The following DSCAML1 variants were observed in gnomAD, a reference collection of about 807,000 sequenced individuals.
DSCAML1 encodes the protein cell adhesion molecule DSCAML1.
A neutral mutation model predicts 200.5 loss-of-function variants in DSCAML1; 38 were observed. The ratio of observed to expected loss-of-function variants is 0.19; its 90% CI spans 0.15 to 0.25. The LOEUF (loss-of-function observed/expected upper bound fraction) is 0.25, where lower values mean the gene tolerates loss of function less well. Among genes scored for constraint, DSCAML1 ranks in the 10% least tolerant of loss-of-function variants. The pLI is 1.00. For synonymous variants in DSCAML1, 1,215 were observed against 1,165.0 expected, an observed-to-expected ratio of 1.04 and a Z score of -0.87; for missense variants, 2,223 against 2,858.8, an observed-to-expected ratio of 0.78 and a Z score of 5.07.
At chr11:117,581,633 C>T (rs573940817) in intron 3 of DSCAML1, among the ~76,000 whole-genome samples, 1 of 152,284 alleles carries the variant, frequency 6.6e-6, no homozygotes, top group African/African-American at 2.4e-5. Context: ...AGGTAAGATC[C>T]ATGCGTTACT....
intron 3 of DSCAML1, among the ~76,000 whole-genome samples, chr11:117,567,991 C>T (rs914767407): frequency 1.3e-5 from 2 of 151,792 alleles, no homozygotes; most frequent in African/African-American, 4.8e-5. Flanking sequence ...ACTGGCAAAC[C>T]GAATCCAGCA....
chr11:117,535,563 G>A (rs530861067), intron 3 of DSCAML1, among the ~76,000 whole-genome samples: 1 of 152,204 alleles, frequency 6.6e-6, no homozygotes, highest in African/African-American at 2.4e-5. Context: ...CAGAGGAACC[G>A]AGGAAGCACG....
At chr11:117,460,123 G>A (rs1027810179) in intron 18 of DSCAML1, among the ~76,000 whole-genome samples, 5 of 152,244 alleles carry the variant, frequency 3.3e-5, no homozygotes, top group Non-Finnish European at 5.9e-5. Context: ...GGAGAAGCCC[G>A]CAGGCTTCGA....
rs113959016 is a variant in DSCAML1 at position 117,717,085 on chromosome 11, G to A, written c.511+59706C>T. ...AGGCCTTTCTAGAGACTTCTAGGGG[G>A]AAGAAAGATCTGAGGTTTTCATCAG... On this transcript the variant is annotated intron_variant, in intron 3 of 32. Coordinates refer to ENST00000651296, the MANE Select transcript of DSCAML1 (RefSeq NM_020693.4). Among the ~76,000 whole-genome samples, 21 of 152,310 alleles carry A rather than the reference G, an allele frequency of 1.4e-4. No individual in the cohort carries two copies. The South Asian group carries it at 4.1e-3, about 30-fold the overall frequency.
At chr11:117,598,615 C>T (rs2051405940) in intron 3 of DSCAML1, among the ~76,000 whole-genome samples, 1 of 152,194 alleles carries the variant, frequency 6.6e-6, no homozygotes, top group Admixed American at 6.5e-5. Context: ...TCTAACTGAT[C>T]TCTTTTATTC....
rs535341610 is a variant in DSCAML1, at chr11:117,610,337, T to A, written c.512-77815A>T. On this transcript the variant is annotated intron_variant, in intron 3 of 32. Coordinates refer to ENST00000651296, the MANE Select transcript of DSCAML1 (RefSeq NM_020693.4). ...TTCCAAAACTACCCCCACTGCCCCA[T>A]TGCAACTCCACATTACACTCACACC... is the stretch of plus-strand genomic sequence containing the variant. 3.5e-4 allele frequency among the ~76,000 whole-genome samples: 54 copies of A among 152,296 alleles called. 1 individual carries two copies. Among genetic ancestry groups the A allele is most frequent in the African/African-American group, 1.2e-3 (51 of 41,554 alleles).
chr11:117,627,852 C>T (rs931546501), intron 3 of DSCAML1, among the ~76,000 whole-genome samples: 4 of 152,086 alleles, frequency 2.6e-5, no homozygotes, highest in African/African-American at 9.7e-5. Flanking sequence ...TTAGGCTCCT[C>T]ATGTTCCCCT....
intron 8 of DSCAML1, among the ~76,000 whole-genome samples, chr11:117,511,961 T>C (rs1301864420): frequency 6.6e-6 from 1 of 152,270 alleles, no homozygotes; most frequent in African/African-American, 2.4e-5. Flanking sequence ...GTTGGGCGTG[T>C]GCTGCTGTTC....
At chr11:117,490,978 C>T (rs1170210931) in intron 11 of DSCAML1, among the ~76,000 whole-genome samples, 1 of 152,208 alleles carries the variant, frequency 6.6e-6, no homozygotes, top group Non-Finnish European at 1.5e-5. Context: ...TCTTTGTCTC[C>T]TGGCCTCTTT....
At chr11:117,766,903 T>C (rs2054907566) in intron 3 of DSCAML1, among the ~76,000 whole-genome samples, 1 of 152,086 alleles carries the variant, frequency 6.6e-6, no homozygotes, top group African/African-American at 2.4e-5. Context: ...TCTAGGGAGC[T>C]GCGGGCATGT....
chr11:117,459,222 C>A (rs925725684), intron 18 of DSCAML1, among the ~76,000 whole-genome samples: 1 of 152,246 alleles, frequency 6.6e-6, no homozygotes, highest in African/African-American at 2.4e-5. Flanking sequence ...CTCCAGGCAA[C>A]ATTTCTCCCT....
intron 21 of DSCAML1, among the ~76,000 whole-genome samples, chr11:117,441,363 C>T (rs889835046): frequency 1.3e-5 from 2 of 152,148 alleles, no homozygotes; most frequent in African/African-American, 2.4e-5. Flanking sequence ...GGACCAAAGA[C>T]GCTGATCTGA....
At chr11:117,772,702 A>G (rs2055061012) in intron 3 of DSCAML1, among the ~76,000 whole-genome samples, 1 of 152,218 alleles carries the variant, frequency 6.6e-6, no homozygotes, top group Non-Finnish European at 1.5e-5. Context: ...ATGTATTGTA[A>G]TGGTGATCAT....
At chr11:117,532,661 T>C in intron 3 of DSCAML1, 139 bp from the exon 4 acceptor site, 1 of 874,322 alleles carries the variant, frequency 1.1e-6, no homozygotes, top group East Asian at 2.7e-5. Flanking sequence ...TTCCTTTCAG[T>C]GTAGATGCTC....
At chr11:117,653,648 G>C (rs1345003661) in intron 3 of DSCAML1, among the ~76,000 whole-genome samples, 2 of 152,258 alleles carry the variant, frequency 1.3e-5, no homozygotes, top group East Asian at 3.9e-4. Flanking sequence ...CTGTCTGGCA[G>C]CTCCTCGAAA....
At chr11:117,703,901 C>T (rs772161710) in intron 3 of DSCAML1, among the ~76,000 whole-genome samples, 17 of 152,312 alleles carry the variant, frequency 1.1e-4, no homozygotes, top group Middle Eastern at 3.4e-3. Flanking sequence ...TCACAGAGCA[C>T]GGGCTATGTG....
chr11:117,531,077 C>T (rs541123262), intron 4 of DSCAML1, among the ~76,000 whole-genome samples: 38 of 152,298 alleles, frequency 2.5e-4, no homozygotes, highest in Middle Eastern at 6.8e-3. Flanking sequence ...CAGTGTGCAT[C>T]GCGCAGGCTG....
chr11:117,542,916 G>A (rs1419170985), intron 3 of DSCAML1, among the ~76,000 whole-genome samples: 1 of 152,220 alleles, frequency 6.6e-6, no homozygotes, highest in Non-Finnish European at 1.5e-5. Flanking sequence ...TGCCAGGAAA[G>A]TGTGTGCTGC....
At chr11:117,817,394 T>A (rs2055820207) in exon 1 of DSCAML1, 1 of 152,588 alleles carries the variant, frequency 6.6e-6, no homozygotes, top group East Asian at 1.9e-4. Flanking sequence ...GCTCACCTAC[T>A]AAGCTGTGAC....
Sources: gnomAD v4.1 joint callset for allele counts (sites outside exome capture counted in the v4.1 genomes callset) on GRCh38, gnomAD v4.1.1 for gene constraint, MANE v1.5 for transcripts, NCBI Gene and HGNC (gene_info 2026-07-23, HGNC 2026-07-21) for gene names.